Variants in PCCB observed in about 807,000 individuals in gnomAD.
PCCB encodes propionyl-CoA carboxylase beta chain, mitochondrial.
A neutral mutation model predicts 60.7 loss-of-function variants in PCCB; 43 were observed. That is an observed-to-expected ratio of 0.71 (90% confidence interval 0.55 to 0.91). The LOEUF (loss-of-function observed/expected upper bound fraction) is 0.91, where lower values mean the gene tolerates loss of function less well. Among genes scored for constraint, PCCB ranks in the 40% least tolerant of loss-of-function variants. The pLI is 0.00. For synonymous variants in PCCB, 276 were observed against 255.9 expected (o/e 1.08, Z -0.75); for missense variants, 766 against 702.8 (o/e 1.09, Z -1.02).
At chr3:136,278,294 C>A (rs1003323692) in intron 5 of PCCB, among the ~76,000 whole-genome samples, 2 of 151,424 alleles carry the variant, frequency 1.3e-5, no homozygotes, top group African/African-American at 2.5e-5. Context: ...TGGAGACTTA[C>A]AGTTTTTCCC....
At chr3:136,260,376 C>A (rs776443163) in intron 3 of PCCB, 103 bp from the exon 4 acceptor site, 3 of 961,276 alleles carry the variant, frequency 3.1e-6, no homozygotes, top group African/African-American at 1.6e-5. Flanking sequence ...CCACGCCTGG[C>A]CTAAAAACTT....
At chr3:136,305,958 C>T (rs1171250696) in intron 9 of PCCB, among the ~76,000 whole-genome samples, 1 of 120,412 alleles carries the variant, frequency 8.3e-6, no homozygotes, top group African/African-American at 2.5e-5. Flanking sequence ...TATGTACCTG[C>T]AAGACATACA....
intron 9 of PCCB, among the ~76,000 whole-genome samples, chr3:136,311,571 C>T (rs1399967113): frequency 6.6e-6 from 1 of 152,060 alleles, no homozygotes; most frequent in East Asian, 1.9e-4. Flanking sequence ...AACTCTTGGG[C>T]TCAAGCGATC....
chr3:136,321,593 G>A (rs1935112507), intron 10 of PCCB, among the ~76,000 whole-genome samples: 1 of 152,110 alleles, frequency 6.6e-6, no homozygotes. Flanking sequence ...ACACTATCAC[G>A]AGAACAGCGT....
intron 5 of PCCB, among the ~76,000 whole-genome samples, chr3:136,283,009 A>G (rs1220096169): frequency 6.6e-6 from 1 of 152,240 alleles, no homozygotes; most frequent in Non-Finnish European, 1.5e-5. Context: ...ACTCTGCCAC[A>G]GCTGGAAGTC....
intron 5 of PCCB, among the ~76,000 whole-genome samples, chr3:136,275,998 T>A (rs747388859): frequency 6.6e-6 from 1 of 152,188 alleles, no homozygotes; most frequent in Non-Finnish European, 1.5e-5. Flanking sequence ...CACAAACTCC[T>A]GACCTCAGGT....
At chr3:136,270,516 TC>T (rs71157369) in intron 5 of PCCB, among the ~76,000 whole-genome samples, 4 of 151,256 alleles carry the variant, frequency 2.6e-5, no homozygotes, top group African/African-American at 9.7e-5. Flanking sequence ...TTTTTTTTTT[TC>T]CCGCTGTAGG....
chr3:136,279,231 A>G (rs970508672), intron 5 of PCCB, among the ~76,000 whole-genome samples: 2 of 152,176 alleles, frequency 1.3e-5, no homozygotes, highest in African/African-American at 4.8e-5. Context: ...TTCTGTCTGT[A>G]TGCAATCTGT....
At chr3:136,291,124 G>A (rs1309716593) in intron 6 of PCCB, among the ~76,000 whole-genome samples, 1 of 151,884 alleles carries the variant, frequency 6.6e-6, no homozygotes, top group Non-Finnish European at 1.5e-5. Context: ...ATCCATGAGA[G>A]CCCTTAAACC....
At position 136,330,089 on chromosome 3, in the gene PCCB, G is replaced by C; in HGVS notation, c.*63G>C. 6.2e-7 allele frequency: 1 copy of C among 1,611,112 alleles called. No homozygotes were observed. Among genetic ancestry groups the C allele is most frequent in the Middle Eastern group, 1.7e-4 (1 of 6,050 alleles). ...GTCTGCCCATTCACATCCCATTCCT[G>C]CCTTTTGCAATCATGAAACCTGGGA... On this transcript the variant is annotated 3_prime_UTR_variant, in exon 15 of 15. Transcript: ENST00000251654.
intron 12 of PCCB, 37 bp downstream of exon 12, chr3:136,327,292 C>T: frequency 1.3e-6 from 2 of 1,505,994 alleles, no homozygotes; most frequent in South Asian, 2.3e-5. Flanking sequence ...ACCCTGCTCA[C>T]TTTCCTACAG....
chr3:136,312,355 A>G (rs1934701852), intron 9 of PCCB, among the ~76,000 whole-genome samples: 1 of 152,216 alleles, frequency 6.6e-6, no homozygotes, highest in Non-Finnish European at 1.5e-5. Flanking sequence ...TTGTAACACA[A>G]TGGTAAGTAT....
At chr3:136,255,427 G>T (rs1941645381) in intron 1 of PCCB, 1 of 272,874 alleles carries the variant, frequency 3.7e-6, no homozygotes, top group African/African-American at 2.2e-5. Context: ...GGTGAGGTGT[G>T]CTTCTGTAGG....
At chr3:136,253,602 C>T (rs960951046) in intron 1 of PCCB, among the ~76,000 whole-genome samples, 3 of 151,288 alleles carry the variant, frequency 2.0e-5, no homozygotes, top group Non-Finnish European at 4.4e-5. Context: ...GCAGGCTGGT[C>T]TCTAACTTTT....
At chr3:136,265,086 C>T (rs897634726) in intron 5 of PCCB, among the ~76,000 whole-genome samples, 12 of 150,502 alleles carry the variant, frequency 8.0e-5, no homozygotes, top group East Asian at 2.0e-4. Context: ...CCCAGCTACT[C>T]GGGAGGCTGA....
At chr3:136,267,473 C>T (rs1223816545) in intron 5 of PCCB, among the ~76,000 whole-genome samples, 1 of 152,142 alleles carries the variant, frequency 6.6e-6, no homozygotes, top group Non-Finnish European at 1.5e-5. Context: ...TTACAAGCCA[C>T]TGCCCCAAGC....
intron 5 of PCCB, among the ~76,000 whole-genome samples, chr3:136,276,288 A>G (rs772926941): frequency 6.6e-6 from 1 of 152,262 alleles, no homozygotes; most frequent in East Asian, 1.9e-4. Context: ...GCTAAAGCAA[A>G]TGGGTAAATG....
Position 136,250,577 on chromosome 3 carries a change from AAGTGAGTCCCGCCCCTGGCGTCCGCG to A in PCCB, c.183+21_183+46del, listed in dbSNP as rs1941486678. ...CAAGCGAGTGAGTCCTGAGGGGCCT[AAGTGAGTCCCGCCCCTGGCGTCCGCG>A]ACCTATCACTGCGTGCCCGGCTTGC... On this transcript the variant is annotated intron_variant, in intron 1 of 14. Coordinates refer to ENST00000251654, the MANE Select transcript of PCCB (RefSeq NM_000532.5). 6.2e-7 allele frequency: 1 copy of A among 1,600,210 alleles called. No individual in the cohort carries two copies. The highest frequency in any genetic ancestry group is 8.5e-7 in the Non-Finnish European group (1 of 1,172,258).
intron 9 of PCCB, among the ~76,000 whole-genome samples, chr3:136,303,718 A>C (rs1934365377): frequency 8.2e-6 from 1 of 121,376 alleles, no homozygotes; most frequent in Non-Finnish European, 1.8e-5. Context: ...ATTCTCCTGC[A>C]TCAGACTCCC....
Sources: allele counts gnomAD v4.1 joint callset (sites outside exome capture counted in the v4.1 genomes callset), GRCh38; gene constraint gnomAD v4.1.1; transcripts MANE v1.5; gene names NCBI Gene and HGNC (gene_info 2026-07-23, HGNC 2026-07-21).